The following PLCL1 variants were observed in gnomAD, a reference collection of about 807,000 sequenced individuals.
PLCL1 encodes the protein inactive phospholipase C-like protein 1.
In PLCL1, 41 loss-of-function variants were observed where a neutral mutation model predicts 84.4. That is an observed-to-expected ratio of 0.49 (90% CI 0.38 to 0.63). The LOEUF (loss-of-function observed/expected upper bound fraction) is 0.63, where lower values mean the gene tolerates loss of function less well. PLCL1 is among the 30% of genes least tolerant of loss of function. PLCL1 has a pLI of 0.00. For synonymous variants in PLCL1, 490 were observed against 488.3 expected (o/e 1.00, Z -0.05); for missense variants, 1,206 against 1,367.8 (o/e 0.88, Z 1.87).
At position 197,805,937 on chromosome 2, in the gene PLCL1, G is replaced by C. The variant is rs1188182779; in HGVS notation, c.240+598G>C. Among the ~76,000 whole-genome samples the C allele has an allele frequency of 6.6e-6, 1 of 152,170 alleles. No homozygotes were observed. Among genetic ancestry groups the C allele is most frequent in the Non-Finnish European group, 1.5e-5 (1 of 68,026 alleles). ...ATCAATCCCCCAAGCATTATCACTG[G>C]TCCTTGTGGTTACCACCACATCCAG... On this transcript the variant is annotated intron_variant, in intron 1 of 5. Transcript: ENST00000428675. This position sits in a 1 kb window ranked among gnomAD's most constrained non-coding sequence, Gnocchi z 4.0.
At chr2:197,911,066 C>T (rs948960601) in intron 1 of PLCL1, among the ~76,000 whole-genome samples, 1 of 152,108 alleles carries the variant, frequency 6.6e-6, no homozygotes, top group African/African-American at 2.4e-5. Context: ...CAAAAGCACA[C>T]TGATTCAGTC....
intron 1 of PLCL1, among the ~76,000 whole-genome samples, chr2:198,059,607 G>A (rs946928614): frequency 6.6e-6 from 1 of 152,148 alleles, no homozygotes; most frequent in Non-Finnish European, 1.5e-5. Context: ...TTGGCACTGA[G>A]GGACGAGAAA....
intron 1 of PLCL1, among the ~76,000 whole-genome samples, chr2:197,849,071 A>G (rs1376963555): frequency 6.6e-6 from 1 of 152,064 alleles, no homozygotes; most frequent in Non-Finnish European, 1.5e-5. Flanking sequence ...TTCTGTTCCC[A>G]AGGCTACAGT....
chr2:197,810,248 GT>G (rs1281588486), intron 1 of PLCL1: 131 of 1,206,262 alleles, frequency 1.1e-4, no homozygotes, highest in Non-Finnish European at 1.4e-4. Flanking sequence ...CTTAGAAGTG[GT>G]TGCTTCTTAT....
At chr2:198,081,568 A>C (rs1692714912) in intron 1 of PLCL1, among the ~76,000 whole-genome samples, 1 of 152,222 alleles carries the variant, frequency 6.6e-6, no homozygotes, top group African/African-American at 2.4e-5. Flanking sequence ...ACTATAGGAT[A>C]ATTAAAAACA....
chr2:198,069,239 C>T (rs1224622603), intron 1 of PLCL1, among the ~76,000 whole-genome samples: 1 of 151,436 alleles, frequency 6.6e-6, no homozygotes, highest in African/African-American at 2.4e-5. Flanking sequence ...GCCTGTAATC[C>T]CAGCACTTTG....
At chr2:198,104,050 C>T in intron 5 of PLCL1, 114 bp downstream of exon 5, 1 of 512,004 alleles carries the variant, frequency 2.0e-6, no homozygotes, top group South Asian at 4.0e-5. Context: ...TAAACCTTCA[C>T]TTTAGATTCA....
chr2:197,969,923 A>C (rs970269682), intron 1 of PLCL1, among the ~76,000 whole-genome samples: 1 of 152,114 alleles, frequency 6.6e-6, no homozygotes, highest in African/African-American at 2.4e-5. Flanking sequence ...CTAGAAATAT[A>C]CTTTTGATTC....
In PLCL1 at chr2:197,968,697, A is replaced by C. The variant is rs148202462; in HGVS notation, c.241-115061A>C. Among the ~76,000 whole-genome samples the C allele has an allele frequency of 7.9e-5, 12 of 152,314 alleles. No homozygotes were observed. The East Asian group carries it at 2.3e-3, about 29-fold the overall frequency. The stretch of plus-strand genomic sequence containing the variant: ...CAAAGCAGTCTCTCAATACCAGTAC[A>C]GGATGCTGATTAGGAAATTAAAATT... On this transcript the variant is annotated intron_variant, in intron 1 of 5. Coordinates refer to ENST00000428675, the MANE Select transcript of PLCL1 (RefSeq NM_006226.4).
intron 1 of PLCL1, among the ~76,000 whole-genome samples, chr2:198,074,418 A>G (rs1307523441): frequency 6.6e-6 from 1 of 152,238 alleles, no homozygotes; most frequent in African/African-American, 2.4e-5. Context: ...TTTCAGTTTT[A>G]AATATGCTTA....
chr2:197,925,058 T>G (rs1688807934), intron 1 of PLCL1, among the ~76,000 whole-genome samples: 1 of 152,174 alleles, frequency 6.6e-6, no homozygotes, highest in Non-Finnish European at 1.5e-5. Flanking sequence ...AGAATCAGTT[T>G]TTTACTTTTC....
chr2:198,113,294 C>T (rs1289286821), intron 5 of PLCL1, among the ~76,000 whole-genome samples: 1 of 151,906 alleles, frequency 6.6e-6, no homozygotes, highest in African/African-American at 2.4e-5. Flanking sequence ...AATAATTTAA[C>T]AAATTTTTAT....
intron 1 of PLCL1, among the ~76,000 whole-genome samples, chr2:197,990,375 G>C (rs572130478): frequency 6.6e-6 from 1 of 152,114 alleles, no homozygotes; most frequent in Admixed American, 6.5e-5. Context: ...CAGGACAAAA[G>C]GAAAGCTAAC....
chr2:197,996,305 G>C (rs979631306), intron 1 of PLCL1, among the ~76,000 whole-genome samples: 1 of 152,112 alleles, frequency 6.6e-6, no homozygotes, highest in African/African-American at 2.4e-5. Flanking sequence ...AAAATCTGAG[G>C]AACAGCACAG....
chr2:198,038,827 A>G (rs929143971), intron 1 of PLCL1, among the ~76,000 whole-genome samples: 4 of 142,246 alleles, frequency 2.8e-5, no homozygotes, highest in Non-Finnish European at 6.1e-5. Flanking sequence ...TACTGTCTTG[A>G]TCCTTTCATT....
chr2:197,981,103 G>T (rs1690095425), intron 1 of PLCL1, among the ~76,000 whole-genome samples: 1 of 152,150 alleles, frequency 6.6e-6, no homozygotes, highest in Non-Finnish European at 1.5e-5. Flanking sequence ...ATCACTGCAA[G>T]TTGCATTCAC....
Position 198,115,472 on chromosome 2 carries a change from G to A in PLCL1, c.3105+11536G>A, listed in dbSNP as rs188616683. On this transcript the variant is annotated intron_variant, in intron 5 of 5. Transcript: ENST00000428675. ...GTAAGGTCTTTTGAGGAACACAAAAGGATGAGGGGATTTCTTAACCATCCC... is the reference window on the plus strand; with the variant it reads ...GTAAGGTCTTTTGAGGAACACAAAAAGATGAGGGGATTTCTTAACCATCCC... Among the ~76,000 whole-genome samples the A allele has an allele frequency of 1.4e-3, 209 of 151,936 alleles. 1 individual carries two copies. The highest frequency in any genetic ancestry group is 3.4e-3 in the Middle Eastern group (1 of 294).
At chr2:198,115,433 G>A (rs1396550996) in intron 5 of PLCL1, among the ~76,000 whole-genome samples, 3 of 151,754 alleles carry the variant, frequency 2.0e-5, no homozygotes, top group Admixed American at 6.6e-5. Flanking sequence ...GGGAAGAGGG[G>A]TTCTTTGCAG....
At chr2:197,851,441 C>T (rs151161573) in intron 1 of PLCL1, among the ~76,000 whole-genome samples, 2 of 152,120 alleles carry the variant, frequency 1.3e-5, no homozygotes, top group African/African-American at 4.8e-5. Context: ...TATTGATTAG[C>T]TATCTGTCTG....
Sources: gnomAD v4.1 joint callset for allele counts (sites outside exome capture counted in the v4.1 genomes callset) on GRCh38, gnomAD v4.1.1 for gene constraint, Gnocchi (gnomAD v3.1) non-coding constraint, MANE v1.5 for transcripts, NCBI Gene and HGNC (gene_info 2026-07-23, HGNC 2026-07-21) for gene names.